Variants in PTPN3 observed in about 807,000 individuals in gnomAD.
PTPN3 encodes tyrosine-protein phosphatase non-receptor type 3.
Under a neutral mutation model 132.7 loss-of-function variants are expected in PTPN3, and 96 were observed. The observed-to-expected ratio is 0.72, with a 90% CI of 0.61 to 0.86. PTPN3 has a LOEUF of 0.86. Ranked by LOEUF, PTPN3 falls within the 40% of genes least tolerant of loss-of-function variation. PTPN3 has a pLI of 0.00. For missense variants in PTPN3, 1,125 were observed against 1,159.6 expected (o/e 0.97, Z 0.43); for synonymous variants, 398 against 429.0 (o/e 0.93, Z 0.89).
At chr9:109,521,138 G>A in the PTPN3 span, among the ~76,000 whole-genome samples, 1 of 152,090 alleles carries the variant, frequency 6.6e-6, no homozygotes, top group Non-Finnish European at 1.5e-5. Context: ...GTAAAGAGTT[G>A]CAGCCAGAGG....
At chr9:109,477,456 GA>G (rs909176445) in intron 1 of PTPN3, among the ~76,000 whole-genome samples, 1 of 152,202 alleles carries the variant, frequency 6.6e-6, no homozygotes, top group Non-Finnish European at 1.5e-5. Flanking sequence ...TTATTTTAAA[GA>G]AACAGTACAT....
the PTPN3 span, among the ~76,000 whole-genome samples, chr9:109,521,915 A>C: frequency 2.0e-5 from 3 of 152,170 alleles, no homozygotes; most frequent in Admixed American, 6.5e-5. Flanking sequence ...ATCTAGTCTT[A>C]TCCCTTCATT....
At chr9:109,407,663 GC>G (rs992129171) in intron 17 of PTPN3, among the ~76,000 whole-genome samples, 9 of 152,100 alleles carry the variant, frequency 5.9e-5, no homozygotes, top group African/African-American at 2.2e-4. Flanking sequence ...TCCTGCCTCA[GC>G]CTCCTGAGTA....
intron 1 of PTPN3, among the ~76,000 whole-genome samples, chr9:109,487,152 G>C (rs557283257): frequency 6.6e-6 from 1 of 152,342 alleles, no homozygotes; most frequent in East Asian, 1.9e-4. Context: ...AGGCCTGCAG[G>C]ACAGTAAGAT....
chr9:109,436,998 T>C (rs1844102393), intron 8 of PTPN3, 28 bp from the exon 9 acceptor site: 1 of 1,612,694 alleles, frequency 6.2e-7, no homozygotes, highest in Non-Finnish European at 8.5e-7. Context: ...AAAAGCAGAG[T>C]TCATCCAATA....
chr9:109,409,816 A>AG (rs930205291), intron 16 of PTPN3, among the ~76,000 whole-genome samples, 183 bp downstream of exon 16: 12 of 152,238 alleles, frequency 7.9e-5, no homozygotes, highest in African/African-American at 2.9e-4. Context: ...TTAAAAAAAA[A>AG]CAAAAAAAAC....
chr9:109,489,653 A>C (rs1847367997), intron 1 of PTPN3, among the ~76,000 whole-genome samples: 1 of 152,128 alleles, frequency 6.6e-6, no homozygotes, highest in South Asian at 2.1e-4. Flanking sequence ...TCAGTGCTGC[A>C]GTTAGAGAAG....
chr9:109,509,852 GA>G, the PTPN3 span, among the ~76,000 whole-genome samples: 58 of 143,478 alleles, frequency 4.0e-4, no homozygotes, highest in Middle Eastern at 3.5e-3. Flanking sequence ...TTATGGAAAG[GA>G]AAAAAAAAAA....
At chr9:109,487,021 C>T (rs1004305629) in intron 1 of PTPN3, among the ~76,000 whole-genome samples, 9 of 152,208 alleles carry the variant, frequency 5.9e-5, no homozygotes, top group African/African-American at 1.7e-4. Context: ...TTATAAATAA[C>T]GCAGTCTTGG....
chr9:109,408,229 C>CA (rs1395415909), intron 17 of PTPN3, 92 bp downstream of exon 17: 10 of 1,077,866 alleles, frequency 9.3e-6, no homozygotes, highest in East Asian at 7.6e-5. Flanking sequence ...TTTGCTCTGG[C>CA]AAAAAAAGAA....
At chr9:109,519,036 C>T in the PTPN3 span, among the ~76,000 whole-genome samples, 18 of 152,010 alleles carry the variant, frequency 1.2e-4, no homozygotes, top group East Asian at 3.9e-4. Context: ...TCATAGTCTC[C>T]GGTAACATGA....
chr9:109,513,694 A>C, the PTPN3 span, among the ~76,000 whole-genome samples: 3 of 152,272 alleles, frequency 2.0e-5, no homozygotes, highest in Admixed American at 2.0e-4. Flanking sequence ...GGACATAGTC[A>C]TGTGTTTGTC....
intron 22 of PTPN3, among the ~76,000 whole-genome samples, chr9:109,384,244 C>G (rs1839370347): frequency 6.6e-6 from 1 of 152,140 alleles, no homozygotes; most frequent in Admixed American, 6.5e-5. Context: ...GCTTGAGTAA[C>G]AGTGATGAGT....
intron 5 of PTPN3, chr9:109,450,453 T>C (rs10979874): frequency 0.32 from 316,891 of 980,840 alleles, 53,066 homozygotes; most frequent in African/African-American, 0.48. Context: ...CTAATCAGTA[T>C]GTCTTCCTAG....
intron 13 of PTPN3, among the ~76,000 whole-genome samples, chr9:109,420,851 T>G (rs1842853318): frequency 6.6e-6 from 1 of 152,202 alleles, no homozygotes; most frequent in Admixed American, 6.5e-5. Flanking sequence ...CAGAATTAGA[T>G]GGGTTTATGC....
At chr9:109,451,967 G>A (rs993741738) in intron 5 of PTPN3, among the ~76,000 whole-genome samples, 14 of 152,072 alleles carry the variant, frequency 9.2e-5, no homozygotes, top group Non-Finnish European at 1.8e-4. Context: ...CAGTTGGCAA[G>A]TTTTTAAAAA....
At chr9:109,449,043 A>C (rs1845057645) in intron 5 of PTPN3, 188 bp from the exon 6 acceptor site, 1 of 1,409,966 alleles carries the variant, frequency 7.1e-7, no homozygotes, top group Non-Finnish European at 9.2e-7. Flanking sequence ...CTGATGGCTC[A>C]TGTTGATGCC....
At chr9:109,470,778 G>C (rs775282516) in intron 1 of PTPN3, among the ~76,000 whole-genome samples, 1 of 151,810 alleles carries the variant, frequency 6.6e-6, no homozygotes, top group African/African-American at 2.4e-5. Context: ...AACTAAGAAT[G>C]TCTGCTCACT....
chr9:109,391,252 C>A, intron 20 of PTPN3, 53 bp from the exon 21 acceptor site: 1 of 1,533,188 alleles, frequency 6.5e-7, no homozygotes. Flanking sequence ...TTTTATCATA[C>A]CAAGTAAACC....
Sources: gnomAD v4.1 joint callset for allele counts (sites outside exome capture counted in the v4.1 genomes callset) on GRCh38, gnomAD v4.1.1 for gene constraint, MANE v1.5 for transcripts, NCBI Gene and HGNC (gene_info 2026-07-23, HGNC 2026-07-21) for gene names.